Variants in DNAI7 observed in about 807,000 individuals in gnomAD.
DNAI7 encodes cancer susceptibility 1.
A neutral mutation model predicts 86.6 loss-of-function variants in DNAI7; 78 were observed. That is an observed-to-expected ratio of 0.90 (90% CI 0.75 to 1.09). The LOEUF (loss-of-function observed/expected upper bound fraction) is 1.09. Ranked by LOEUF, DNAI7 falls within the 50% of genes least tolerant of loss-of-function variation. The pLI is 0.00. For synonymous variants in DNAI7, 274 were observed against 273.0 expected (o/e 1.00, Z -0.04); for missense variants, 753 against 810.2 (o/e 0.93, Z 0.86).
chr12:25,108,443 G>GTTGA lies in DNAI7; in HGVS notation c.*101_*104dup. ...AATGCAGATTAGAAAATTTTTAATA[G>GTTGA]TTGATTTGAAATGTATTCATTCACT... On this transcript the variant is annotated 3_prime_UTR_variant, in exon 16 of 16. Transcript: ENST00000395987. 1.0e-6 allele frequency: 1 copy of GTTGA among 965,952 alleles called. No individual in the cohort carries two copies. Among genetic ancestry groups the GTTGA allele is most frequent in the Non-Finnish European group, 1.4e-6 (1 of 691,474 alleles). The allele number at this position is 965,952 out of a possible 1,614,324, so 59.8% of individuals were successfully genotyped here.
chr12:25,149,701 T>C lies in DNAI7; in HGVS notation c.512A>G (p.Tyr171Cys). Residue 171 changes from tyrosine (Y) to cysteine (C), a missense_variant, in exon 7 of 16, where the codon TAC becomes TGC. Physicochemically the swap from Tyr to Cys is radical, Grantham distance 194. Transcript: ENST00000395987. ...CDLQDKNIIQ[Y>C]QESILQLQEL... ...CTGCAGTTGTAGTATTGATTCTTGGTACTGTATTATATTTTTATCTTGCAA... is the reference window on the plus strand; with the variant it reads ...CTGCAGTTGTAGTATTGATTCTTGGCACTGTATTATATTTTTATCTTGCAA... 1.3e-6 allele frequency: 2 copies of C among 1,585,338 alleles called. No individual in the cohort carries two copies. Among genetic ancestry groups the C allele is most frequent in the Non-Finnish European group, 1.7e-6 (2 of 1,155,398 alleles).
intron 9 of DNAI7, among the ~76,000 whole-genome samples, chr12:25,135,155 A>C (rs1565685958): frequency 6.6e-6 from 1 of 152,228 alleles, no homozygotes; most frequent in South Asian, 2.1e-4. Context: ...GTGAGTGTCC[A>C]AAGTGTGAGG....
At chr12:25,180,218 A>T (rs2141269687) in intron 2 of DNAI7, among the ~76,000 whole-genome samples, 1 of 152,352 alleles carries the variant, frequency 6.6e-6, no homozygotes, top group Admixed American at 6.5e-5. Flanking sequence ...ATATCTAGAA[A>T]TATATTTAAC....
At chr12:25,183,254 G>A (rs534049651) in intron 2 of DNAI7, among the ~76,000 whole-genome samples, 2 of 151,992 alleles carry the variant, frequency 1.3e-5, no homozygotes, top group East Asian at 2.0e-4. Context: ...CGGGGACAAG[G>A]GTTGAAAAAC....
Position 25,149,623 on chromosome 12 carries a change from C to G in DNAI7, c.585+5G>C, listed in dbSNP as rs779131252. Reference sequence around the variant, plus strand: ...CTTAATATATAAGCAAAATATCACACTTACTTTGAGAAGTATTTCTGTGGC... The same window carrying G: ...CTTAATATATAAGCAAAATATCACAGTTACTTTGAGAAGTATTTCTGTGGC... On this transcript the variant is annotated splice_donor_5th_base_variant and intron_variant, in intron 7 of 15. Coordinates refer to ENST00000395987, the MANE Select transcript of DNAI7 (RefSeq NM_018272.5). The G allele has an allele frequency of 3.1e-6, 5 of 1,594,744 alleles. No homozygotes were observed. The highest frequency in any genetic ancestry group is 3.4e-6 in the Non-Finnish European group (4 of 1,170,142).
At chr12:25,111,324 C>G (rs1484237444) in intron 14 of DNAI7, among the ~76,000 whole-genome samples, 1 of 152,130 alleles carries the variant, frequency 6.6e-6, no homozygotes, top group Non-Finnish European at 1.5e-5. Context: ...AGCCTTATGA[C>G]GAACATGAAA....
intron 9 of DNAI7, among the ~76,000 whole-genome samples, chr12:25,133,559 G>A (rs954273674): frequency 4.6e-5 from 7 of 152,168 alleles, no homozygotes; most frequent in Admixed American, 3.3e-4. Flanking sequence ...ACAGAAGATG[G>A]CTTCCCCCTC....
chr12:25,148,685 T>A (rs1358410766), intron 7 of DNAI7, among the ~76,000 whole-genome samples: 1 of 152,210 alleles, frequency 6.6e-6, no homozygotes, highest in Non-Finnish European at 1.5e-5. Flanking sequence ...AACTCATAAA[T>A]TTTTATTTAT....
chr12:25,179,057 A>G (rs1258988715), intron 2 of DNAI7, among the ~76,000 whole-genome samples: 4 of 152,066 alleles, frequency 2.6e-5, no homozygotes, highest in Non-Finnish European at 5.9e-5. Context: ...GTATTGCTTT[A>G]CATACATTCC....
chr12:25,140,048 G>A (rs1295551429), intron 9 of DNAI7, among the ~76,000 whole-genome samples: 1 of 152,020 alleles, frequency 6.6e-6, no homozygotes, highest in African/African-American at 2.4e-5. Flanking sequence ...AATGCCTTAA[G>A]TTAATAAAAG....
At chr12:25,136,502 C>A (rs1297427852) in intron 9 of DNAI7, among the ~76,000 whole-genome samples, 2 of 152,116 alleles carry the variant, frequency 1.3e-5, no homozygotes, top group Non-Finnish European at 2.9e-5. Context: ...AGACAAGGTT[C>A]TTTAACACCC....
At chr12:25,177,847 TAC>T (rs1486376796) in intron 2 of DNAI7, among the ~76,000 whole-genome samples, 1 of 152,188 alleles carries the variant, frequency 6.6e-6, no homozygotes, top group Non-Finnish European at 1.5e-5. Flanking sequence ...TGTTAAAAAA[TAC>T]AGACATCTTT....
intron 9 of DNAI7, among the ~76,000 whole-genome samples, chr12:25,130,003 C>T (rs1263049204): frequency 3.3e-5 from 5 of 151,894 alleles, no homozygotes; most frequent in Non-Finnish European, 7.4e-5. Context: ...CTCAGGTGAT[C>T]CCCCTGCCTC....
chr12:25,153,088 T>C (rs984928411), intron 6 of DNAI7, among the ~76,000 whole-genome samples: 2 of 152,226 alleles, frequency 1.3e-5, no homozygotes, highest in African/African-American at 4.8e-5. Context: ...TCTTTGTCTC[T>C]GTGCTGTCTT....
At chr12:25,124,527 T>TA (rs900978388) in intron 9 of DNAI7, among the ~76,000 whole-genome samples, 3 of 152,066 alleles carry the variant, frequency 2.0e-5, no homozygotes, top group Admixed American at 6.5e-5. Flanking sequence ...ACAATAGGAG[T>TA]ACAAGGAAGA....
In DNAI7 at chr12:25,119,214, C is replaced by A; in HGVS notation, c.1327G>T (p.Val443Phe). Residue 443 changes from valine to phenylalanine, a missense_variant, in exon 12 of 16, where the codon GTC becomes TTC. Coordinates refer to ENST00000395987, the MANE Select transcript of DNAI7 (RefSeq NM_018272.5). ...ACATTCTCATGAACCTCAAGTGTGA[C>A]CTCTATAGGTGGGAAAGCATTTTCT... ...ETENAFPPIE[V>F]TLEVHENVIF... 1.9e-6 allele frequency: 3 copies of A among 1,612,798 alleles called. No individual in the cohort carries two copies. The highest frequency in any genetic ancestry group is 2.5e-6 in the Non-Finnish European group (3 of 1,179,198).
chr12:25,141,415 G>C (rs1944168670), intron 9 of DNAI7, among the ~76,000 whole-genome samples: 1 of 152,096 alleles, frequency 6.6e-6, no homozygotes, highest in Non-Finnish European at 1.5e-5. Flanking sequence ...GACCTGAATA[G>C]ACAATTCTCA....
At chr12:25,114,925 A>T in intron 12 of DNAI7, 55 bp from the exon 13 acceptor site, 1 of 1,365,528 alleles carries the variant, frequency 7.3e-7, no homozygotes, top group South Asian at 1.3e-5. Flanking sequence ...TATTAAAAAA[A>T]GATAAATGAA....
chr12:25,143,339 C>T (rs927162854), intron 9 of DNAI7, among the ~76,000 whole-genome samples: 1 of 151,004 alleles, frequency 6.6e-6, no homozygotes, highest in Non-Finnish European at 1.5e-5. Flanking sequence ...ACATCCGCCT[C>T]CTGGGTTGAA....
Sources: gnomAD v4.1 joint callset for allele counts (sites outside exome capture counted in the v4.1 genomes callset) on GRCh38, gnomAD v4.1.1 for gene constraint, MANE v1.5 for transcripts, NCBI Gene and HGNC (gene_info 2026-07-23, HGNC 2026-07-21) for gene names.